The following MAML1 variants were observed in gnomAD, a reference collection of about 807,000 sequenced individuals.
MAML1 encodes the protein mastermind-like protein 1.
Under a neutral mutation model 77.1 loss-of-function variants are expected in MAML1, and 14 were observed. The observed-to-expected ratio is 0.18, with a 90% CI of 0.12 to 0.28. The LOEUF (loss-of-function observed/expected upper bound fraction) is 0.28. Among genes scored for constraint, MAML1 ranks in the 10% least tolerant of loss-of-function variants. The pLI is 1.00. For synonymous variants in MAML1, 516 were observed against 551.9 expected (o/e 0.93, Z 0.91); for missense variants, 1,217 against 1,327.8 (o/e 0.92, Z 1.30).
intron 1 of MAML1, among the ~76,000 whole-genome samples, chr5:179,759,888 G>A (rs995443789): frequency 1.4e-4 from 21 of 152,192 alleles, no homozygotes; most frequent in African/African-American, 5.1e-4. Context: ...ATGGAGAGAA[G>A]TGGGTGGGTT....
In MAML1 at chr5:179,765,668, C is replaced by T. The variant is rs773290253; in HGVS notation, c.658C>T (p.Pro220Ser). 9 of 1,614,220 alleles carry T rather than the reference C, an allele frequency of 5.6e-6. No individual in the cohort carries two copies. In the South Asian group the frequency reaches 9.9e-5, roughly 18 times the overall value. ...CCTGAATAAAGAACTGAAGCAGGAG[C>T]CTGTCGAAGACCTGCCTTGCATGAT... ...LSLNKELKQEPVEDLPCMITG... is the reference protein window; with the variant it reads ...LSLNKELKQESVEDLPCMITG... Residue 220 changes from proline (P) to serine (S), a missense_variant, in exon 2 of 5, where the codon CCT becomes TCT. By Grantham distance (74) the Pro-to-Ser change is moderately conservative. This residue lies in a region of MAML1 where 312 missense variants were observed against 331.4 expected (regional missense o/e 0.94). Coordinates refer to ENST00000292599, the MANE Select transcript of MAML1 (RefSeq NM_014757.5).
chr5:179,762,065 G>A (rs1340095255), intron 1 of MAML1, among the ~76,000 whole-genome samples: 1 of 152,186 alleles, frequency 6.6e-6, no homozygotes, highest in East Asian at 1.9e-4. Context: ...TGTGTAAGGA[G>A]CACTCATGAA....
chr5:179,749,723 C>T (rs142285311), intron 1 of MAML1, among the ~76,000 whole-genome samples: 18 of 152,254 alleles, frequency 1.2e-4, no homozygotes, highest in Admixed American at 8.5e-4. Context: ...CAGAGGATGG[C>T]GAGAAGTGAT....
At chr5:179,746,528 C>T (rs1779387720) in intron 1 of MAML1, among the ~76,000 whole-genome samples, 2 of 151,822 alleles carry the variant, frequency 1.3e-5, no homozygotes, top group African/African-American at 4.8e-5. Context: ...CATACGCCAC[C>T]ACACCCGGCT....
chr5:179,776,777 G>A lies in MAML1; in HGVS notation c.*1900G>A. The A allele has an allele frequency of 1.0e-6, 1 of 985,942 alleles. No individual in the cohort carries two copies. The highest frequency in any genetic ancestry group is 1.2e-6 in the Non-Finnish European group (1 of 829,998). The allele number at this position is 985,942 out of a possible 1,614,324, so 61.1% of individuals were successfully genotyped here. A position where few individuals can be genotyped will look rare whatever the true frequency, so the allele number is the denominator to read the frequency against. ...AGTCCTGGGGCCGGCGACACAGTGG[G>A]GGCTCCTCACTTGCTGCAGTGTCAT... is the stretch of plus-strand genomic sequence containing the variant. On this transcript the variant is annotated 3_prime_UTR_variant, in exon 5 of 5. Coordinates refer to ENST00000292599, the MANE Select transcript of MAML1 (RefSeq NM_014757.5).
intron 2 of MAML1, among the ~76,000 whole-genome samples, chr5:179,767,502 A>G (rs1779843542): frequency 6.7e-6 from 1 of 150,182 alleles, no homozygotes. Flanking sequence ...CACACTATAT[A>G]CCCGACAAGT....
chr5:179,773,029 C>T (rs977546651), intron 4 of MAML1, among the ~76,000 whole-genome samples: 4 of 152,144 alleles, frequency 2.6e-5, no homozygotes, highest in African/African-American at 7.2e-5. Context: ...TAGCTGGGGG[C>T]GCGCGCCGCC....
chr5:179,761,587 C>T (rs754394262), intron 1 of MAML1, among the ~76,000 whole-genome samples: 21 of 151,958 alleles, frequency 1.4e-4, no homozygotes, highest in Middle Eastern at 6.8e-3. Context: ...CCCCGCTGCT[C>T]GAGAGACTGA....
Position 179,766,779 on chromosome 5 carries a change from G to T in MAML1, c.1731+38G>T. 1 of 1,479,630 alleles carries T rather than the reference G, an allele frequency of 6.8e-7. No homozygotes were observed. Among genetic ancestry groups the T allele is most frequent in the South Asian group, 1.4e-5 (1 of 72,832 alleles). The allele number at this position is 1,479,630 out of a possible 1,614,324, so 91.7% of individuals were successfully genotyped here. A position where few individuals can be genotyped will look rare whatever the true frequency, so the allele number is the denominator to read the frequency against. ...CTTTGCTTTCTGTTCCTCTGCTGCA[G>T]ACACTTCAGTGAGGTTACTCACTAC... On this transcript the variant is annotated intron_variant, in intron 2 of 4. Coordinates refer to ENST00000292599, the MANE Select transcript of MAML1 (RefSeq NM_014757.5). The surrounding 1 kb of genome is among the most constrained non-coding windows in gnomAD (Gnocchi z 4.0).
chr5:179,766,574 A>G lies in MAML1; in HGVS notation c.1564A>G (p.Lys522Glu), dbSNP rs1175253152. ...YGNTKPLSHY[K>E]ADCGQGSPGS... ...CAATACAAAACCCCTTTCTCATTACAAAGCGGACTGTGGGCAAGGCAGCCC... is the reference window on the plus strand; with the variant it reads ...CAATACAAAACCCCTTTCTCATTACGAAGCGGACTGTGGGCAAGGCAGCCC... The change falls in exon 2 of 5, where the codon AAA (lysine) becomes GAA (glutamate). Residue 522 changes from lysine (K) to glutamate (E), a missense_variant. Transcript: ENST00000292599. The surrounding 1 kb of genome is among the most constrained non-coding windows in gnomAD (Gnocchi z 4.0). 2 of 1,611,138 alleles carry G rather than the reference A, an allele frequency of 1.2e-6. No homozygotes were observed.
intron 1 of MAML1, among the ~76,000 whole-genome samples, chr5:179,763,429 A>G (rs989407040): frequency 6.7e-6 from 1 of 148,284 alleles, no homozygotes; most frequent in African/African-American, 2.5e-5. Flanking sequence ...TCTGCCCTGC[A>G]GTTCCATTTG....
chr5:179,765,920 C>A lies in MAML1; in HGVS notation c.910C>A (p.Pro304Thr). ...QDINIKTEFS[P>T]AAFEQEQLGS... ...CATTAATATTAAGACGGAATTCTCT[C>A]CAGCAGCCTTTGAGCAAGAACAGTT... The change falls in exon 2 of 5, where the codon CCA (proline) becomes ACA (threonine). Residue 304 changes from proline to threonine, a missense_variant. Pro to Thr is a conservative substitution (Grantham distance 38). Transcript: ENST00000292599. 1 of 1,614,134 alleles carries A rather than the reference C, an allele frequency of 6.2e-7. No individual in the cohort carries two copies. Among genetic ancestry groups the A allele is most frequent in the Non-Finnish European group, 8.5e-7 (1 of 1,180,022 alleles).
chr5:179,764,803 AAAT>A (rs971844125), intron 1 of MAML1, among the ~76,000 whole-genome samples: 15 of 152,228 alleles, frequency 9.9e-5, no homozygotes, highest in Admixed American at 9.2e-4. Context: ...CCCTACCAAA[AAAT>A]ACCGGAAGTT....
chr5:179,763,045 G>A (rs1303650952), intron 1 of MAML1, among the ~76,000 whole-genome samples: 2 of 152,212 alleles, frequency 1.3e-5, no homozygotes, highest in Non-Finnish European at 2.9e-5. Flanking sequence ...GAGACAACCA[G>A]CTGACTCATC....
intron 1 of MAML1, among the ~76,000 whole-genome samples, chr5:179,737,714 A>C (rs996028894): frequency 6.6e-6 from 1 of 152,212 alleles, no homozygotes; most frequent in African/African-American, 2.4e-5. Flanking sequence ...AGTCTTAGCC[A>C]CTATCTGCTT....
At position 179,766,828 on chromosome 5, in the gene MAML1, G is replaced by A. The variant is rs757309924; in HGVS notation, c.1731+87G>A. 6.3e-4 allele frequency: 713 copies of A among 1,135,120 alleles called. No homozygotes were observed. Among genetic ancestry groups the A allele is most frequent in the Non-Finnish European group, 7.9e-4 (652 of 822,112 alleles). 70.3% of individuals were successfully genotyped at this position (1,135,120 alleles called of 1,614,324 possible). On this transcript the variant is annotated intron_variant, in intron 2 of 4. Transcript: ENST00000292599. This position sits in a 1 kb window ranked among gnomAD's most constrained non-coding sequence, Gnocchi z 4.0. ...ACTTTGGATGTTAATTGGATCCGAG[G>A]TAGTTGTGGGAAGAGGGAGGAGGGA...
In MAML1 at chr5:179,766,705, A is replaced by G. The variant is rs1381386383; in HGVS notation, c.1695A>G (p.Gly565=). 1 of 1,572,772 alleles carries G rather than the reference A, an allele frequency of 6.4e-7. No individual in the cohort carries two copies. Among genetic ancestry groups the G allele is most frequent in the African/African-American group, 1.4e-5 (1 of 73,400 alleles). ...TGTTTCTGATGAAGCCAAAGCCAGGAAATATGCCTTTCCGATCACTGGTTC... is the reference window on the plus strand; with the variant it reads ...TGTTTCTGATGAAGCCAAAGCCAGGGAATATGCCTTTCCGATCACTGGTTC... The part of the protein sequence containing the change: ...NSLFLMKPKP[G]NMPFRSLVPP... Residue 565 remains glycine (G), a synonymous_variant, in exon 2 of 5, where the codon GGA becomes GGG. Transcript: ENST00000292599. This position sits in a 1 kb window ranked among gnomAD's most constrained non-coding sequence, Gnocchi z 4.0.
chr5:179,750,791 G>A (rs1562556710), intron 1 of MAML1, among the ~76,000 whole-genome samples: 1 of 152,062 alleles, frequency 6.6e-6, no homozygotes, highest in Non-Finnish European at 1.5e-5. Context: ...GAGATGATGA[G>A]GAAGAGTTTG....
At chr5:179,743,074 CAG>C (rs1465496855) in intron 1 of MAML1, among the ~76,000 whole-genome samples, 10 of 106,766 alleles carry the variant, frequency 9.4e-5, no homozygotes, top group Admixed American at 6.5e-4. Flanking sequence ...TTTTTTGAGA[CAG>C]AGTTTCACTC....
Sources: allele counts gnomAD v4.1 joint callset (sites outside exome capture counted in the v4.1 genomes callset), GRCh38; gene constraint gnomAD v4.1.1; regional missense constraint gnomAD v4.1.1; non-coding constraint Gnocchi (gnomAD v3.1); transcripts MANE v1.5; gene names NCBI Gene and HGNC (gene_info 2026-07-23, HGNC 2026-07-21).